THEMIS: variants seen among roughly 807,000 people sequenced by gnomAD.
THEMIS encodes the protein thymocyte selection associated.
THEMIS carries 37 observed loss-of-function variants against 52.6 expected under a neutral mutation model. The observed-to-expected ratio is 0.70, with a 90% confidence interval of 0.54 to 0.93. THEMIS has a LOEUF of 0.93. Among genes scored for constraint, THEMIS ranks in the 40% least tolerant of loss-of-function variants. The probability of loss-of-function intolerance (pLI) is 0.00; values close to 1 mark genes in which losing one functional copy is unlikely to be tolerated. For synonymous variants in THEMIS, 292 were observed against 272.7 expected (o/e 1.07, Z -0.70); for missense variants, 808 against 763.1 (o/e 1.06, Z -0.69).
chr6:127,826,770 C>T (rs1778521431), intron 3 of THEMIS, among the ~76,000 whole-genome samples: 1 of 152,058 alleles, frequency 6.6e-6, no homozygotes. Flanking sequence ...CATGATGTGA[C>T]TTACATAAGA....
chr6:127,791,575 C>T (rs574240520), intron 4 of THEMIS, among the ~76,000 whole-genome samples: 33 of 152,264 alleles, frequency 2.2e-4, no homozygotes, highest in Non-Finnish European at 4.1e-4. Flanking sequence ...GGCTTCAGGC[C>T]GTCCCTGGCC....
At chr6:127,876,423 A>G (rs1250936549) in intron 1 of THEMIS, among the ~76,000 whole-genome samples, 1 of 152,194 alleles carries the variant, frequency 6.6e-6, no homozygotes, top group Non-Finnish European at 1.5e-5. Context: ...TGTTTCTTAC[A>G]TCAAATGGTC....
intron 4 of THEMIS, among the ~76,000 whole-genome samples, chr6:127,774,869 G>A (rs769963906): frequency 6.6e-6 from 1 of 152,120 alleles, no homozygotes; most frequent in Non-Finnish European, 1.5e-5. Flanking sequence ...GTAGGGTGAG[G>A]GTGGAACTTC....
chr6:127,837,632 A>G (rs375629870), intron 2 of THEMIS, among the ~76,000 whole-genome samples: 2 of 151,960 alleles, frequency 1.3e-5, no homozygotes, highest in East Asian at 1.9e-4. Context: ...GCATATATAT[A>G]TATCTATATA....
At chr6:127,896,571 C>T (rs1780973888) in intron 1 of THEMIS, among the ~76,000 whole-genome samples, 3 of 151,434 alleles carry the variant, frequency 2.0e-5, no homozygotes, top group African/African-American at 7.2e-5. Context: ...AACCAAAGCA[C>T]AGCTAATCAA....
chr6:127,703,172 C>T (rs1447597909), downstream of THEMIS, among the ~76,000 whole-genome samples: 2 of 148,582 alleles, frequency 1.3e-5, no homozygotes, highest in African/African-American at 2.5e-5. Flanking sequence ...CTCAGCCTCT[C>T]GAGTAGCTGG....
intron 4 of THEMIS, among the ~76,000 whole-genome samples, chr6:127,738,207 T>C (rs181989943): frequency 2.6e-5 from 4 of 152,262 alleles, no homozygotes; most frequent in Non-Finnish European, 4.4e-5. Flanking sequence ...AAGAATTCAG[T>C]ATAAATTTAA....
chr6:127,826,991 G>A (rs1430214236), intron 3 of THEMIS, among the ~76,000 whole-genome samples: 2 of 151,618 alleles, frequency 1.3e-5, no homozygotes, highest in Admixed American at 1.3e-4. Flanking sequence ...ACTAGTAATA[G>A]GAGTAGAATA....
At chr6:127,756,285 T>C (rs1408357888) in intron 4 of THEMIS, among the ~76,000 whole-genome samples, 1 of 152,204 alleles carries the variant, frequency 6.6e-6, no homozygotes, top group African/African-American at 2.4e-5. Context: ...CCAATTTTAC[T>C]ATACCTAATG....
intron 4 of THEMIS, among the ~76,000 whole-genome samples, chr6:127,773,654 G>GA (rs1015485786): frequency 2.2e-4 from 33 of 151,774 alleles, no homozygotes; most frequent in African/African-American, 8.0e-4. Flanking sequence ...ACTTAACTTT[G>GA]AAAAAAGCAA....
intron 1 of THEMIS, among the ~76,000 whole-genome samples, chr6:127,895,413 A>G (rs910504149): frequency 1.4e-4 from 21 of 151,716 alleles, no homozygotes; most frequent in Middle Eastern, 6.9e-3. Context: ...AATAAAAAAT[A>G]TAAACTATTA....
At chr6:127,755,305 A>T (rs1775784399) in intron 4 of THEMIS, among the ~76,000 whole-genome samples, 1 of 152,174 alleles carries the variant, frequency 6.6e-6, no homozygotes, top group Admixed American at 6.5e-5. Flanking sequence ...CTTGTTAGGG[A>T]TTGGTTAGTT....
chr6:127,804,851 A>G (rs1777648500), intron 4 of THEMIS, among the ~76,000 whole-genome samples: 1 of 152,172 alleles, frequency 6.6e-6, no homozygotes, highest in Non-Finnish European at 1.5e-5. Context: ...TGATAACAAC[A>G]ACAAACTTTT....
chr6:127,835,518 T>C (rs1243589294), intron 2 of THEMIS, among the ~76,000 whole-genome samples: 5 of 152,194 alleles, frequency 3.3e-5, no homozygotes, highest in African/African-American at 4.8e-5. Context: ...TAGGTAGTAC[T>C]TAACAGCTAG....
At chr6:127,778,691 C>T (rs1243306030) in intron 4 of THEMIS, among the ~76,000 whole-genome samples, 1 of 152,054 alleles carries the variant, frequency 6.6e-6, no homozygotes, top group Non-Finnish European at 1.5e-5. Context: ...AAAGGAAGTT[C>T]CCAGGGCATA....
intron 4 of THEMIS, among the ~76,000 whole-genome samples, chr6:127,787,603 A>G (rs1407561284): frequency 6.6e-6 from 1 of 152,148 alleles, no homozygotes; most frequent in East Asian, 1.9e-4. Flanking sequence ...TATTACTGGG[A>G]TCTGTTTTTT....
chr6:127,900,818 G>A (rs1781113544), intron 1 of THEMIS, 24 bp downstream of exon 1: 1 of 1,587,942 alleles, frequency 6.3e-7, no homozygotes. Context: ...GTTCTAGCCA[G>A]TAAAGGTATT....
chr6:127,870,388 C>T (rs1231113887), intron 1 of THEMIS, among the ~76,000 whole-genome samples: 2 of 152,252 alleles, frequency 1.3e-5, no homozygotes, highest in Non-Finnish European at 1.5e-5. Context: ...GATTTTTATC[C>T]TACTTGGCAA....
chr6:127,872,314 G>C (rs1055691835), intron 1 of THEMIS, among the ~76,000 whole-genome samples: 17 of 152,236 alleles, frequency 1.1e-4, no homozygotes, highest in African/African-American at 3.9e-4. Context: ...GCTCACACCT[G>C]TAATCCCAGC....
Sources: allele counts gnomAD v4.1 joint callset (sites outside exome capture counted in the v4.1 genomes callset), GRCh38; gene constraint gnomAD v4.1.1; transcripts MANE v1.5; gene names NCBI Gene and HGNC (gene_info 2026-07-23, HGNC 2026-07-21).